Variants in SPTBN2 observed in about 807,000 individuals in gnomAD.
SPTBN2 encodes the protein spectrin beta chain, non-erythrocytic 2.
SPTBN2 carries 107 observed loss-of-function variants against 284.2 expected under a neutral mutation model. The ratio of observed to expected loss-of-function variants is 0.38; its 90% CI spans 0.32 to 0.44. SPTBN2 has a LOEUF of 0.44. Among genes scored for constraint, SPTBN2 ranks in the 20% least tolerant of loss-of-function variants. SPTBN2 has a pLI of 1.00. For missense variants in SPTBN2, 2,569 were observed against 3,287.1 expected (o/e 0.78, Z 5.34); for synonymous variants, 1,289 against 1,354.8 (o/e 0.95, Z 1.07).
In SPTBN2 at chr11:66,705,772, G is replaced by A. The variant is rs148207416; in HGVS notation, c.1719C>T (p.His573=). Residue 573 remains histidine (H), a synonymous_variant, in exon 14 of 38, where the codon CAC becomes CAT. Coordinates refer to ENST00000533211, the MANE Select transcript of SPTBN2 (RefSeq NM_006946.4). ...LAGVEDLLQL[H]ELVEADIAVQ... ...CGGCGATGTCTGCCTCCACCAGCTC[G>A]TGCAGCTGCAGCAGGTCCTCCACTC... 4.1e-4 allele frequency: 665 copies of A among 1,612,492 alleles called. 9 individuals are homozygous for A. The Middle Eastern group carries it at 0.022, about 54-fold the overall frequency.
At chr11:66,698,957 G>A (rs778154120) in intron 19 of SPTBN2, 35 bp downstream of exon 19, 1 of 1,610,958 alleles carries the variant, frequency 6.2e-7, no homozygotes, top group Non-Finnish European at 8.5e-7. Context: ...GAAAGGGATG[G>A]CTAGGGAATA....
At chr11:66,739,996 C>T (rs927057285) in intron 1 of SPTBN2, among the ~76,000 whole-genome samples, 2 of 152,192 alleles carry the variant, frequency 1.3e-5, no homozygotes, top group African/African-American at 4.8e-5. Context: ...CCTGCCACTG[C>T]ACTCCAGCCC....
exon 1 of SPTBN2, chr11:66,744,593 C>G (rs1008368235): frequency 9.0e-6 from 2 of 222,350 alleles, no homozygotes; most frequent in African/African-American, 4.6e-5. Context: ...AACCTCCCAC[C>G]TGCGGGCCCA....
chr11:66,732,709 T>A (rs1942822384), upstream of SPTBN2, among the ~76,000 whole-genome samples: 1 of 148,250 alleles, frequency 6.7e-6, no homozygotes, highest in Non-Finnish European at 1.5e-5. Flanking sequence ...CTCACGCCTG[T>A]AATCCCAGCA....
At position 66,688,693 on chromosome 11, in the gene SPTBN2, G is replaced by C. The variant is rs759733455; in HGVS notation, c.6191C>G (p.Ala2064Gly). 6.2e-6 allele frequency: 10 copies of C among 1,613,916 alleles called. No homozygotes were observed. The highest frequency in any genetic ancestry group is 8.5e-6 in the Non-Finnish European group (10 of 1,180,010). Residue 2064 changes from alanine (A) to glycine (G), a missense_variant, in exon 31 of 38, where the codon GCC (alanine) becomes GGC (glycine). Transcript: ENST00000533211. The part of the protein sequence containing the change: ...RHEAFQKSAV[A>G]WEERFCALEK... Reference sequence around the variant, plus strand: ...CAGCGCACAGAATCGCTCCTCCCAGGCCACTGCTGACTTCTGGAAGGCCTC... The same window carrying C: ...CAGCGCACAGAATCGCTCCTCCCAGCCCACTGCTGACTTCTGGAAGGCCTC...
intron 21 of SPTBN2, among the ~76,000 whole-genome samples, chr11:66,694,771 A>C (rs1345021100): frequency 6.6e-6 from 1 of 152,164 alleles, no homozygotes; most frequent in Non-Finnish European, 1.5e-5. Flanking sequence ...CTGCTTTGAG[A>C]CACTGGAACT....
chr11:66,698,943 G>A, intron 19 of SPTBN2, 49 bp downstream of exon 19: 1 of 1,609,980 alleles, frequency 6.2e-7, no homozygotes, highest in Non-Finnish European at 8.5e-7. Context: ...TAGGCTCAAG[G>A]TGAGAAAGGG....
intron 21 of SPTBN2, among the ~76,000 whole-genome samples, chr11:66,694,955 T>TA (rs1473795494): frequency 2.0e-5 from 3 of 152,226 alleles, no homozygotes; most frequent in Non-Finnish European, 4.4e-5. Flanking sequence ...CGGTGGCTCT[T>TA]ACTCTCTGGC....
intron 8 of SPTBN2, among the ~76,000 whole-genome samples, chr11:66,711,565 C>T (rs751786569): frequency 2.0e-4 from 30 of 152,208 alleles, no homozygotes; most frequent in Admixed American, 3.9e-4. Context: ...TCCTAAAGCT[C>T]AGCTGTGGGC....
chr11:66,701,900 C>A (rs1466568786), intron 15 of SPTBN2, among the ~76,000 whole-genome samples, 179 bp from the exon 16 acceptor site: 1 of 151,972 alleles, frequency 6.6e-6, no homozygotes, highest in Non-Finnish European at 1.5e-5. Context: ...AGGAAGGAAC[C>A]CACAACTCCC....
Position 66,682,832 on chromosome 11 carries a change from G to A in SPTBN2, c.*3039C>T, listed in dbSNP as rs186251929. On this transcript the variant is annotated 3_prime_UTR_variant, in exon 38 of 38. Transcript: ENST00000533211. ...GACTGGAGTGCAGTGGCATGATCTC[G>A]GCTCACTGTAACCTCTGCTTCCCAG... Among the ~76,000 whole-genome samples the A allele has an allele frequency of 4.0e-5, 6 of 151,530 alleles. No homozygotes were observed. The highest frequency in any genetic ancestry group is 7.4e-5 in the Non-Finnish European group (5 of 67,896).
Position 66,688,251 on chromosome 11 carries a change from G to T in SPTBN2, c.6292C>A (p.Pro2098Thr), listed in dbSNP as rs1242043389. 6.2e-7 allele frequency: 1 copy of T among 1,613,008 alleles called. No individual in the cohort carries two copies. The highest frequency in any genetic ancestry group is 1.3e-5 in the African/African-American group (1 of 75,038). Residue 2098 changes from proline to threonine, a missense_variant, in exon 32 of 38, where the codon CCG becomes ACG. By Grantham distance (38) the Pro-to-Thr change is conservative. Around this residue, in one of 6 missense-constraint regions of SPTBN2, gnomAD observed 1,130 missense variants for 1,317.3 expected, o/e 0.86. Coordinates refer to ENST00000533211, the MANE Select transcript of SPTBN2 (RefSeq NM_006946.4). ...CTGGCTGTGGGTTCGGGAGCAGGCGGCTGTTTCCGCCGCTCCTCCTCCTCC... is the reference window on the plus strand; with the variant it reads ...CTGGCTGTGGGTTCGGGAGCAGGCGTCTGTTTCCGCCGCTCCTCCTCCTCC... ...KREEEERRKQ[P>T]PAPEPTASVP...
intron 13 of SPTBN2, among the ~76,000 whole-genome samples, chr11:66,706,689 G>C (rs1941578958): frequency 6.6e-6 from 1 of 151,492 alleles, no homozygotes; most frequent in South Asian, 2.1e-4. Context: ...GAGTGCAGTG[G>C]TGCAATCTTG....
At chr11:66,722,575 CAAAAAAAAA>C (rs35183530) in intron 1 of SPTBN2, among the ~76,000 whole-genome samples, 1 of 50,982 alleles carries the variant, frequency 2.0e-5, no homozygotes, top group African/African-American at 7.9e-5. Context: ...GACTCTGTCT[CAAAAAAAAA>C]AAAAAAAAAA....
chr11:66,737,824 A>C (rs998889941), intron 1 of SPTBN2, among the ~76,000 whole-genome samples: 3 of 152,174 alleles, frequency 2.0e-5, no homozygotes, highest in African/African-American at 7.2e-5. Flanking sequence ...AGGTAGAGAG[A>C]AGCTAATCAG....
intron 15 of SPTBN2, among the ~76,000 whole-genome samples, chr11:66,703,784 T>C (rs983072089): frequency 6.6e-6 from 1 of 152,074 alleles, no homozygotes; most frequent in African/African-American, 2.4e-5. Flanking sequence ...AATGGTATTG[T>C]GGTTCTATAA....
chr11:66,721,195 G>A lies in SPTBN2; in HGVS notation c.46C>T (p.Gln16Ter). 6.2e-7 allele frequency: 1 copy of A among 1,614,160 alleles called. No individual in the cohort carries two copies. Among genetic ancestry groups the A allele is most frequent in the Non-Finnish European group, 8.5e-7 (1 of 1,180,020 alleles). Residue 16 changes from glutamine (Q) to a stop codon, truncating the protein, a stop_gained, in exon 3 of 38, where the codon CAG becomes TAG. Transcript: ENST00000533211. LOFTEE classifies it high-confidence loss of function. ...SPTDFDSLEI[Q>*]GQYSDINNRW... ...TTGTTGATGTCACTGTACTGGCCCTGGATTTCCAAGCTGTCAAAGTCTGTG... is the reference window on the plus strand; with the variant it reads ...TTGTTGATGTCACTGTACTGGCCCTAGATTTCCAAGCTGTCAAAGTCTGTG...
intron 13 of SPTBN2, 102 bp from the exon 14 acceptor site, chr11:66,705,939 A>G: frequency 6.6e-7 from 1 of 1,506,972 alleles, no homozygotes; most frequent in Non-Finnish European, 8.9e-7. Flanking sequence ...TGTTGCACCC[A>G]GGTGAGAAAC....
intron 6 of SPTBN2, 67 bp from the exon 7 acceptor site, chr11:66,714,238 C>G (rs979515586): frequency 6.8e-6 from 11 of 1,607,160 alleles, no homozygotes; most frequent in Non-Finnish European, 9.4e-6. Flanking sequence ...AGGGCAGTCA[C>G]CAGCTCATGG....
Sources: allele counts gnomAD v4.1 joint callset (sites outside exome capture counted in the v4.1 genomes callset), GRCh38; gene constraint gnomAD v4.1.1; regional missense constraint gnomAD v4.1.1; transcripts MANE v1.5; gene names NCBI Gene and HGNC (gene_info 2026-07-23, HGNC 2026-07-21).